BMPR1B: variants seen among roughly 807,000 people sequenced by gnomAD.
BMPR1B encodes bone morphogenetic protein receptor type-1B.
Under a neutral mutation model 59.1 loss-of-function variants are expected in BMPR1B, and 12 were observed. The observed-to-expected ratio is 0.20, with a 90% CI of 0.13 to 0.33. BMPR1B has a LOEUF of 0.33. Among genes scored for constraint, BMPR1B ranks in the 10% least tolerant of loss-of-function variants. The pLI is 1.00. For synonymous variants in BMPR1B, 237 were observed against 207.3 expected (o/e 1.14, Z -1.23); for missense variants, 550 against 610.9 (o/e 0.90, Z 1.05).
intron 3 of BMPR1B, among the ~76,000 whole-genome samples, chr4:95,079,926 G>GT (rs1227470803): frequency 6.6e-6 from 1 of 152,010 alleles, no homozygotes; most frequent in Non-Finnish European, 1.5e-5. Flanking sequence ...GTATATGCTT[G>GT]TTTACTCTCA....
intron 3 of BMPR1B, among the ~76,000 whole-genome samples, chr4:95,039,236 TCTTA>T (rs1725475632): frequency 1.3e-5 from 2 of 152,348 alleles, no homozygotes; most frequent in Admixed American, 6.5e-5. Context: ...AACTTGAGTT[TCTTA>T]CTTCTCTTAT....
Position 95,155,027 on chromosome 4 carries a change from G to A in BMPR1B, c.*354G>A, listed in dbSNP as rs1735321035. ...AACAGATAATGTGGATGGTTTAAGG[G>A]TTATAGTATTATAGTTTAAATAATA... On this transcript the variant is annotated 3_prime_UTR_variant, in exon 13 of 13. Transcript: ENST00000515059. 3.8e-6 allele frequency: 1 copy of A among 264,734 alleles called. No individual in the cohort carries two copies. The highest frequency in any genetic ancestry group is 4.5e-5 in the South Asian group (1 of 22,088). The allele number at this position is 264,734 out of a possible 1,614,324, so 16.4% of individuals were successfully genotyped here. A position where few individuals can be genotyped will look rare whatever the true frequency, so the allele number is the denominator to read the frequency against.
intron 1 of BMPR1B, among the ~76,000 whole-genome samples, chr4:94,844,687 CCCG>C: frequency 6.6e-6 from 1 of 152,260 alleles, no homozygotes; most frequent in South Asian, 2.1e-4. Flanking sequence ...TGCCCCGCTC[CCCG>C]CCCCAGATTG....
At chr4:95,122,585 GTATA>G (rs1027599454) in intron 6 of BMPR1B, among the ~76,000 whole-genome samples, 1 of 152,064 alleles carries the variant, frequency 6.6e-6, no homozygotes, top group Non-Finnish European at 1.5e-5. Context: ...TTATAAATCA[GTATA>G]TATTATATTT....
intron 2 of BMPR1B, among the ~76,000 whole-genome samples, chr4:94,939,935 C>G (rs1032778807): frequency 2.5e-4 from 38 of 152,116 alleles, no homozygotes; most frequent in African/African-American, 8.7e-4. Flanking sequence ...TCACTGTGAT[C>G]AGTGCTTTAA....
chr4:95,007,714 A>T (rs921625549), intron 3 of BMPR1B, among the ~76,000 whole-genome samples: 3 of 152,228 alleles, frequency 2.0e-5, no homozygotes, highest in Admixed American at 6.5e-5. Flanking sequence ...AAAAATCAAG[A>T]TGAAGTTAAG....
intron 6 of BMPR1B, among the ~76,000 whole-genome samples, chr4:95,118,586 T>A (rs1732243161): frequency 6.6e-6 from 1 of 151,928 alleles, no homozygotes; most frequent in African/African-American, 2.4e-5. Context: ...CGCCCGGGAG[T>A]TCTCAGTTCT....
intron 1 of BMPR1B, among the ~76,000 whole-genome samples, chr4:94,849,398 A>T (rs949123884): frequency 2.0e-5 from 3 of 152,158 alleles, no homozygotes; most frequent in Non-Finnish European, 4.4e-5. Context: ...GTTTCAGTAG[A>T]GGTCAAGGCG....
intron 1 of BMPR1B, among the ~76,000 whole-genome samples, chr4:94,857,189 GA>G (rs976937198): frequency 5.9e-5 from 9 of 151,642 alleles, no homozygotes; most frequent in Admixed American, 4.6e-4. Context: ...GATAAAATAT[GA>G]AAAAAAGGCC....
At chr4:95,015,073 G>C (rs1250616210) in intron 3 of BMPR1B, among the ~76,000 whole-genome samples, 1 of 152,134 alleles carries the variant, frequency 6.6e-6, no homozygotes, top group Non-Finnish European at 1.5e-5. Context: ...CAAGAACACT[G>C]ACATGTTTTT....
intron 1 of BMPR1B, among the ~76,000 whole-genome samples, chr4:94,831,779 A>G (rs79455375): frequency 0.036 from 5,495 of 152,274 alleles, 151 homozygotes; most frequent in Non-Finnish European, 0.058. Flanking sequence ...ACCTGTATTT[A>G]TAGCCACTTC....
chr4:94,960,464 G>A (rs1730312470), intron 2 of BMPR1B, among the ~76,000 whole-genome samples: 1 of 152,078 alleles, frequency 6.6e-6, no homozygotes, highest in African/African-American at 2.4e-5. Context: ...ATAGGTGATA[G>A]TAATGTTAGA....
chr4:94,815,011 C>T (rs1723955599), intron 1 of BMPR1B, among the ~76,000 whole-genome samples: 1 of 152,034 alleles, frequency 6.6e-6, no homozygotes, highest in South Asian at 2.1e-4. Context: ...TCAAGCTATT[C>T]TCCTACCTCA....
At position 94,837,722 on chromosome 4, in the gene BMPR1B, C is replaced by T. The variant is rs1025965057; in HGVS notation, c.-182-38109C>T. Among the ~76,000 whole-genome samples, 45 of 137,512 alleles carry T rather than the reference C, an allele frequency of 3.3e-4. 1 individual carries two copies. The South Asian group carries it at 0.011, about 32-fold the overall frequency. 90.2% of individuals were successfully genotyped at this position (137,512 alleles called of 152,430 possible). On this transcript the variant is annotated intron_variant, in intron 1 of 12. Coordinates refer to ENST00000515059, the MANE Select transcript of BMPR1B (RefSeq NM_001203.3). ...TCTGCAAAGAGGGACAATTTGACTT[C>T]CTCTTTTCCTAATTGAATACCCTTT... is the stretch of plus-strand genomic sequence containing the variant.
At chr4:94,792,687 T>A (rs1353086975) in intron 1 of BMPR1B, among the ~76,000 whole-genome samples, 1 of 152,210 alleles carries the variant, frequency 6.6e-6, no homozygotes, top group Non-Finnish European at 1.5e-5. Flanking sequence ...TACTTGACGA[T>A]GCTAGAGAGA....
chr4:94,796,715 G>A (rs1279483198), intron 1 of BMPR1B, among the ~76,000 whole-genome samples: 3 of 152,090 alleles, frequency 2.0e-5, no homozygotes, highest in Non-Finnish European at 4.4e-5. Context: ...TTGCCTATGT[G>A]TCTTTGCTGA....
At chr4:94,908,061 TAAAAAAAAAAAAAAAAAAAAAAAAAA>T (rs571793477) in intron 2 of BMPR1B, among the ~76,000 whole-genome samples, 1 of 46,254 alleles carries the variant, frequency 2.2e-5, no homozygotes, top group African/African-American at 7.2e-5. Context: ...ACCCTGTCTT[TAAAAAAAAAAAAAAAAAAAAAAAAAA>T]AAAGAAAAAA....
In BMPR1B at chr4:94,899,470, ATATATAT is replaced by A. The variant is rs1185836022; in HGVS notation, c.-113+23578_-113+23584del. Among the ~76,000 whole-genome samples, 7 of 148,904 alleles carry A rather than the reference ATATATAT, an allele frequency of 4.7e-5. No individual in the cohort carries two copies. In the East Asian group the frequency reaches 1.4e-3, roughly 29 times the overall value. On this transcript the variant is annotated intron_variant, in intron 2 of 12. Coordinates refer to ENST00000515059, the MANE Select transcript of BMPR1B (RefSeq NM_001203.3). ...ACACACACACATATATATTTAAATC[ATATATAT>A]TATATATAAATCATATATATATGAT...
At chr4:94,952,011 T>C (rs532496643) in intron 2 of BMPR1B, among the ~76,000 whole-genome samples, 1 of 152,322 alleles carries the variant, frequency 6.6e-6, no homozygotes, top group South Asian at 2.1e-4. Flanking sequence ...TAGGAATGTA[T>C]CCATTTCTTC....
Sources: gnomAD v4.1 joint callset for allele counts (sites outside exome capture counted in the v4.1 genomes callset) on GRCh38, gnomAD v4.1.1 for gene constraint, MANE v1.5 for transcripts, NCBI Gene and HGNC (gene_info 2026-07-23, HGNC 2026-07-21) for gene names.